The following PTGIS variants were observed in gnomAD, a reference collection of about 807,000 sequenced individuals.
PTGIS encodes the protein prostacyclin synthase.
Under a neutral mutation model 50.3 loss-of-function variants are expected in PTGIS, and 45 were observed. That is an observed-to-expected ratio of 0.90 (90% CI 0.70 to 1.15). PTGIS has a LOEUF of 1.15. PTGIS is among the 50% of genes most tolerant of loss of function. PTGIS has a pLI of 0.00. For synonymous variants in PTGIS, 260 were observed against 267.7 expected (o/e 0.97, Z 0.28); for missense variants, 668 against 661.3 (o/e 1.01, Z -0.11).
At chr20:49,543,252 C>G (rs1237140931) in intron 4 of PTGIS, among the ~76,000 whole-genome samples, 2 of 152,008 alleles carry the variant, frequency 1.3e-5, no homozygotes. Context: ...AAAAGCTACC[C>G]AAATTCTCAC....
rs187260236 is a variant in PTGIS at position 49,553,905 on chromosome 20, T to G, written c.75-3716A>C. On this transcript the variant is annotated intron_variant, in intron 1 of 9. Coordinates refer to ENST00000244043, the MANE Select transcript of PTGIS (RefSeq NM_000961.4). ...TGTAAATGGTTTGTGTAAGTCATAA[T>G]AAGGTTTATAAAAAGAGAATTTATG... Among the ~76,000 whole-genome samples, 152 of 152,256 alleles carry G rather than the reference T, an allele frequency of 1.0e-3. 3 individuals are homozygous for G. Among genetic ancestry groups the G allele is most frequent in the Admixed American group, 9.3e-3 (142 of 15,292 alleles).
intron 3 of PTGIS, among the ~76,000 whole-genome samples, chr20:49,545,941 A>G (rs900636613): frequency 6.6e-6 from 1 of 152,160 alleles, no homozygotes; most frequent in African/African-American, 2.4e-5. Flanking sequence ...GGGTTTGCAC[A>G]GGGCGTCCAT....
At chr20:49,545,175 G>A (rs1982326795) in intron 3 of PTGIS, among the ~76,000 whole-genome samples, 1 of 152,188 alleles carries the variant, frequency 6.6e-6, no homozygotes, top group Non-Finnish European at 1.5e-5. Flanking sequence ...AGAAGCTGAG[G>A]TGGGAGGATC....
In PTGIS at chr20:49,551,968, C is replaced by T. The variant is rs186214914; in HGVS notation, c.75-1779G>A. ...TCTGCCTGTCTCTCCTTCCTCTTGC[C>T]GCCCTCTGCTGCATAAGGGACCTAA... On this transcript the variant is annotated intron_variant, in intron 1 of 9. Transcript: ENST00000244043. Among the ~76,000 whole-genome samples the T allele has an allele frequency of 5.3e-5, 8 of 152,074 alleles. No homozygotes were observed. In the East Asian group the frequency reaches 9.7e-4, roughly 18 times the overall value.
intron 6 of PTGIS, 35 bp from the exon 7 acceptor site, chr20:49,514,430 A>G: frequency 2.5e-6 from 4 of 1,608,474 alleles, no homozygotes; most frequent in Non-Finnish European, 2.5e-6. Context: ...TGCCATTATG[A>G]GGGCAGAGCT....
chr20:49,562,021 G>C (rs558442343), intron 1 of PTGIS, among the ~76,000 whole-genome samples: 1 of 152,170 alleles, frequency 6.6e-6, no homozygotes, highest in East Asian at 1.9e-4. Context: ...AACCTTATGA[G>C]GAAGCAATTA....
chr20:49,562,695 T>C (rs923781651), intron 1 of PTGIS, among the ~76,000 whole-genome samples: 2 of 152,196 alleles, frequency 1.3e-5, no homozygotes, highest in African/African-American at 2.4e-5. Flanking sequence ...TCCCAAGGCA[T>C]CTTTTCTGAT....
At chr20:49,515,830 G>A (rs1981459145) in intron 6 of PTGIS, among the ~76,000 whole-genome samples, 1 of 152,118 alleles carries the variant, frequency 6.6e-6, no homozygotes, top group African/African-American at 2.4e-5. Flanking sequence ...GGCTCAGCAT[G>A]CTGCCATTTG....
intron 6 of PTGIS, among the ~76,000 whole-genome samples, chr20:49,518,748 T>C (rs1981564658): frequency 6.6e-6 from 1 of 152,148 alleles, no homozygotes; most frequent in Admixed American, 6.5e-5. Flanking sequence ...CATAACTAGT[T>C]TAGTGGCAGA....
At chr20:49,534,160 T>C (rs1388251775) in intron 5 of PTGIS, among the ~76,000 whole-genome samples, 1 of 152,212 alleles carries the variant, frequency 6.6e-6, no homozygotes, top group African/African-American at 2.4e-5. Flanking sequence ...GACTTTAAAT[T>C]GTTTCTAGCA....
intron 1 of PTGIS, among the ~76,000 whole-genome samples, chr20:49,553,162 G>A (rs973618232): frequency 6.6e-6 from 1 of 152,020 alleles, no homozygotes; most frequent in Non-Finnish European, 1.5e-5. Context: ...TATTAGTCAA[G>A]GGGTTATATA....
At chr20:49,518,696 A>G (rs1033102801) in intron 6 of PTGIS, among the ~76,000 whole-genome samples, 1 of 152,030 alleles carries the variant, frequency 6.6e-6, no homozygotes, top group Non-Finnish European at 1.5e-5. Context: ...CTCTTTACAG[A>G]TGGTGAAACT....
At chr20:49,554,646 G>A (rs938938826) in intron 1 of PTGIS, among the ~76,000 whole-genome samples, 1 of 152,104 alleles carries the variant, frequency 6.6e-6, no homozygotes, top group African/African-American at 2.4e-5. Flanking sequence ...CATGGAAGAG[G>A]TGGGCATATG....
chr20:49,556,268 G>A (rs1057430917), intron 1 of PTGIS, among the ~76,000 whole-genome samples: 1 of 152,104 alleles, frequency 6.6e-6, no homozygotes, highest in African/African-American at 2.4e-5. Context: ...GGGCATAATT[G>A]GAGACACTGG....
At chr20:49,535,319 G>A (rs1568677295) in intron 5 of PTGIS, among the ~76,000 whole-genome samples, 1 of 152,026 alleles carries the variant, frequency 6.6e-6, no homozygotes, top group African/African-American at 2.4e-5. Flanking sequence ...TAATGTATAG[G>A]GCCTTTGACC....
chr20:49,526,658 A>T (rs2122858379), intron 5 of PTGIS, among the ~76,000 whole-genome samples: 1 of 152,352 alleles, frequency 6.6e-6, no homozygotes. Context: ...CTGATTTGAA[A>T]ATTGGCAAAG....
At chr20:49,536,636 A>C (rs1601192270) in intron 5 of PTGIS, among the ~76,000 whole-genome samples, 1 of 149,844 alleles carries the variant, frequency 6.7e-6, no homozygotes, top group Admixed American at 6.6e-5. Context: ...GCCCACCACC[A>C]CGCCCAGCTA....
At chr20:49,550,243 G>C (rs1568683650) in intron 1 of PTGIS, 54 bp from the exon 2 acceptor site, 2 of 1,599,650 alleles carry the variant, frequency 1.3e-6, no homozygotes, top group East Asian at 4.5e-5. Context: ...AGGGCATAAA[G>C]AGTGTAGGTT....
chr20:49,508,131 A>G, intron 9 of PTGIS, 67 bp from the exon 10 acceptor site: 2 of 1,584,060 alleles, frequency 1.3e-6, no homozygotes, highest in Non-Finnish European at 8.6e-7. Context: ...GGAACAAGGC[A>G]GGGGAGCCAT....
Sources: allele counts gnomAD v4.1 joint callset (sites outside exome capture counted in the v4.1 genomes callset), GRCh38; gene constraint gnomAD v4.1.1; transcripts MANE v1.5; gene names NCBI Gene and HGNC (gene_info 2026-07-23, HGNC 2026-07-21).